The following THSD4 variants were observed in gnomAD, a reference collection of about 807,000 sequenced individuals.
THSD4 encodes the protein thrombospondin type-1 domain-containing protein 4.
THSD4 carries 69 observed loss-of-function variants against 119.0 expected under a neutral mutation model. The observed-to-expected ratio is 0.58, with a 90% CI of 0.48 to 0.71. THSD4 has a LOEUF of 0.71. Among genes scored for constraint, THSD4 ranks in the 30% least tolerant of loss-of-function variants. THSD4 has a pLI of 0.00. For synonymous variants in THSD4, 524 were observed against 540.4 expected (o/e 0.97, Z 0.42); for missense variants, 1,393 against 1,391.1 (o/e 1.00, Z -0.02).
intron 3 of THSD4, among the ~76,000 whole-genome samples, chr15:71,158,830 A>G (rs1047574541): frequency 3.3e-5 from 5 of 152,002 alleles, no homozygotes; most frequent in Non-Finnish European, 7.4e-5. Flanking sequence ...GCAAAGTTTG[A>G]TGTCATTCCA....
chr15:71,654,417 T>C (rs560982503), intron 7 of THSD4, among the ~76,000 whole-genome samples: 1 of 152,230 alleles, frequency 6.6e-6, no homozygotes, highest in Non-Finnish European at 1.5e-5. Context: ...TGTTTCCTTA[T>C]GTTGAACATT....
At chr15:71,392,071 G>A (rs755657853) in intron 6 of THSD4, among the ~76,000 whole-genome samples, 10 of 152,108 alleles carry the variant, frequency 6.6e-5, no homozygotes, top group Non-Finnish European at 8.8e-5. Context: ...AAAAGAACAG[G>A]CAGCTCAGAA....
intron 7 of THSD4, among the ~76,000 whole-genome samples, chr15:71,642,936 AACTT>A (rs765543755): frequency 2.8e-4 from 43 of 152,068 alleles, no homozygotes; most frequent in Non-Finnish European, 6.2e-4. Context: ...TGTGCCCTAA[AACTT>A]AAAGTATAAT....
At chr15:71,328,328 G>T (rs758651098) in intron 6 of THSD4, among the ~76,000 whole-genome samples, 1 of 152,292 alleles carries the variant, frequency 6.6e-6, no homozygotes, top group Admixed American at 6.5e-5. Context: ...ATCGATTGCT[G>T]CATAGCTTGG....
At chr15:71,388,987 A>AC (rs919252604) in intron 6 of THSD4, among the ~76,000 whole-genome samples, 1 of 151,070 alleles carries the variant, frequency 6.6e-6, no homozygotes, top group Non-Finnish European at 1.5e-5. Flanking sequence ...ATAAGGGGAA[A>AC]CCCCTTTTGC....
intron 1 of THSD4, among the ~76,000 whole-genome samples, chr15:71,124,907 G>A (rs1199074952): frequency 6.6e-6 from 1 of 151,948 alleles, no homozygotes; most frequent in Admixed American, 6.6e-5. Flanking sequence ...GCCAGGCATG[G>A]TGGTGTGCAC....
At chr15:71,776,696 A>G (rs1197238970) in intron 17 of THSD4, among the ~76,000 whole-genome samples, 4 of 152,230 alleles carry the variant, frequency 2.6e-5, no homozygotes, top group Non-Finnish European at 4.4e-5. Flanking sequence ...CTAGAAAAAA[A>G]AAATTGGATT....
intron 7 of THSD4, among the ~76,000 whole-genome samples, chr15:71,488,261 A>G (rs899936728): frequency 6.6e-6 from 1 of 152,224 alleles, no homozygotes; most frequent in Non-Finnish European, 1.5e-5. Flanking sequence ...ATATTAATAT[A>G]TCTCCTAATA....
rs530187353 is a variant in THSD4 at position 71,417,234 on chromosome 15, C to G, written c.1152+5411C>G. The stretch of plus-strand genomic sequence containing the variant: ...TCTTTGCTGTGCAGAAACTTTTTAA[C>G]TTGATGTGGTCTGATTTGTCCATTT... On this transcript the variant is annotated intron_variant, in intron 7 of 17. Coordinates refer to ENST00000261862, the MANE Select transcript of THSD4 (RefSeq NM_024817.3). 1.9e-5 allele frequency among the ~76,000 whole-genome samples: 2 copies of G among 107,784 alleles called. 1 individual carries two copies. Among genetic ancestry groups the G allele is most frequent in the African/African-American group, 6.3e-5 (2 of 31,736 alleles). The allele number at this position is 107,784 out of a possible 152,430, so 70.7% of individuals were successfully genotyped here.
At chr15:71,117,518 T>C (rs2040373469) in intron 1 of THSD4, among the ~76,000 whole-genome samples, 1 of 152,128 alleles carries the variant, frequency 6.6e-6, no homozygotes, top group Non-Finnish European at 1.5e-5. Flanking sequence ...TCCCCCACAT[T>C]TATAGCTCAT....
intron 7 of THSD4, among the ~76,000 whole-genome samples, chr15:71,600,912 A>AATTTTTGT (rs1254204791): frequency 3.3e-5 from 5 of 151,750 alleles, no homozygotes; most frequent in African/African-American, 7.3e-5. Flanking sequence ...ATGCCTGGCT[A>AATTTTTGT]ATTTTTGTAT....
intron 7 of THSD4, among the ~76,000 whole-genome samples, chr15:71,497,220 G>C (rs976715739): frequency 2.6e-5 from 4 of 152,140 alleles, no homozygotes; most frequent in Non-Finnish European, 4.4e-5. Context: ...GTGTCTGAAA[G>C]GTATATATGT....
rs569794849 is a variant in THSD4, at chr15:71,331,620, G to C, written c.1015+74905G>C. On this transcript the variant is annotated intron_variant, in intron 6 of 17. Coordinates refer to ENST00000261862, the MANE Select transcript of THSD4 (RefSeq NM_024817.3). ...GCCGGGAGGAGGAACCCCTGATTTA[G>C]ATGCTGAAAACCTAGGCTTTGCTCT... Among the ~76,000 whole-genome samples the C allele has an allele frequency of 9.2e-5, 14 of 152,284 alleles. No individual in the cohort carries two copies. In the South Asian group the frequency reaches 2.9e-3, roughly 32 times the overall value.
At position 71,215,168 on chromosome 15, in the gene THSD4, G is replaced by C; in HGVS notation, c.233G>C (p.Arg78Pro). ...SCSGGVMEQT[R>P]PCLPRSYRLR... ...AGCGGCGGCGTGATGGAGCAGACGC[G>C]GCCCTGCCTGCCCCGCTCCTACCGC... The change falls in exon 4 of 18, where the codon CGG (arginine) becomes CCG (proline). Residue 78 changes from arginine to proline, a missense_variant. Physicochemically the swap from Arg to Pro is moderately radical, Grantham distance 103. Coordinates refer to ENST00000261862, the MANE Select transcript of THSD4 (RefSeq NM_024817.3). 1.5e-6 allele frequency: 2 copies of C among 1,376,018 alleles called. No individual in the cohort carries two copies. The highest frequency in any genetic ancestry group is 1.6e-5 in the South Asian group (1 of 62,504). The allele number at this position is 1,376,018 out of a possible 1,614,324, so 85.2% of individuals were successfully genotyped here.
chr15:71,388,228 T>A (rs2046318550), intron 6 of THSD4, among the ~76,000 whole-genome samples: 1 of 152,222 alleles, frequency 6.6e-6, no homozygotes, highest in Non-Finnish European at 1.5e-5. Context: ...TTCTGCTGCA[T>A]AGCTGCTTGG....
rs773374526 is a variant in THSD4, at chr15:71,660,634, G to A, written c.1257G>A (p.Lys419=). The A allele has an allele frequency of 1.7e-5, 27 of 1,614,080 alleles. No individual in the cohort carries two copies. Among genetic ancestry groups the A allele is most frequent in the Non-Finnish European group, 2.1e-5 (25 of 1,180,028 alleles). Residue 419 remains lysine, a synonymous_variant, in exon 8 of 18, where the codon AAG becomes AAA. Transcript: ENST00000261862. ...GTCAGGTTGTGTCGGGCGTGTTTAA[G>A]CATGCCCTCACCAGCCTGGGCTACC... ...TGCQVVSGVF[K]HALTSLGYHR... is the part of the protein sequence containing the mutation.
At chr15:71,449,069 G>A (rs1419567776) in intron 7 of THSD4, among the ~76,000 whole-genome samples, 1 of 152,184 alleles carries the variant, frequency 6.6e-6, no homozygotes, top group African/African-American at 2.4e-5. Flanking sequence ...CAGTGTGCCT[G>A]TCTGACCAGC....
chr15:71,121,557 T>G (rs2040409315), intron 1 of THSD4, among the ~76,000 whole-genome samples: 1 of 152,088 alleles, frequency 6.6e-6, no homozygotes, highest in South Asian at 2.1e-4. Flanking sequence ...CTCCCTTTGC[T>G]CCAGCTCCAT....
At chr15:71,773,200 C>CAAAA (rs5813665) in intron 17 of THSD4, among the ~76,000 whole-genome samples, 30 of 53,990 alleles carry the variant, frequency 5.6e-4, no homozygotes, top group South Asian at 1.9e-3. Context: ...GACCATGTCT[C>CAAAA]AAAAAAAAAA....
Sources: gnomAD v4.1 joint callset for allele counts (sites outside exome capture counted in the v4.1 genomes callset) on GRCh38, gnomAD v4.1.1 for gene constraint, MANE v1.5 for transcripts, NCBI Gene and HGNC (gene_info 2026-07-23, HGNC 2026-07-21) for gene names.